The following MAP3K13 variants were observed in gnomAD, a reference collection of about 807,000 sequenced individuals.
MAP3K13 encodes the protein mitogen-activated protein kinase kinase kinase 13.
In MAP3K13, 52 loss-of-function variants were observed where a neutral mutation model predicts 104.0. The observed-to-expected ratio is 0.50, with a 90% CI of 0.40 to 0.63. MAP3K13 has a LOEUF of 0.63. Ranked by LOEUF, MAP3K13 falls within the 20% of genes least tolerant of loss-of-function variation. MAP3K13 has a pLI of 0.00. For missense variants in MAP3K13, 914 were observed against 1,218.5 expected (o/e 0.75, Z 3.72); for synonymous variants, 394 against 442.2 (o/e 0.89, Z 1.37).
At chr3:185,346,787 A>G (rs1324104559) in intron 2 of MAP3K13, among the ~76,000 whole-genome samples, 1 of 152,148 alleles carries the variant, frequency 6.6e-6, no homozygotes, top group African/African-American at 2.4e-5. Context: ...GTATAAGAGT[A>G]TCTATTTTGC....
intron 1 of MAP3K13, among the ~76,000 whole-genome samples, chr3:185,427,423 C>G (rs969957140): frequency 6.6e-6 from 1 of 151,990 alleles, no homozygotes; most frequent in African/African-American, 2.4e-5. Flanking sequence ...CGTGATCTGG[C>G]CAATCTAGAA....
intron 1 of MAP3K13, among the ~76,000 whole-genome samples, chr3:185,424,309 A>C (rs1176610871): frequency 6.6e-6 from 1 of 152,184 alleles, no homozygotes; most frequent in Non-Finnish European, 1.5e-5. Context: ...AGATAACAGC[A>C]TTTTTTAACC....
At chr3:185,475,728 G>C (rs1377134406) in intron 11 of MAP3K13, among the ~76,000 whole-genome samples, 5 of 152,146 alleles carry the variant, frequency 3.3e-5, no homozygotes, top group Admixed American at 3.3e-4. Context: ...GTGCACTCCT[G>C]TAATCCCAGG....
intron 2 of MAP3K13, among the ~76,000 whole-genome samples, chr3:185,313,414 C>T (rs1269020957): frequency 2.0e-5 from 3 of 151,452 alleles, no homozygotes; most frequent in Admixed American, 6.6e-5. Context: ...GGACTACAGG[C>T]GCTCGCCACC....
intron 1 of MAP3K13, among the ~76,000 whole-genome samples, chr3:185,407,159 T>C (rs1713159321): frequency 6.6e-6 from 1 of 152,254 alleles, no homozygotes; most frequent in Admixed American, 6.5e-5. Flanking sequence ...TCTATTTGTC[T>C]GTGAACCTTG....
chr3:185,387,813 G>T (rs1215977057), intron 1 of MAP3K13, among the ~76,000 whole-genome samples: 1 of 152,054 alleles, frequency 6.6e-6, no homozygotes, highest in East Asian at 1.9e-4. Flanking sequence ...GTCCTAGCCT[G>T]AGCAATCAAG....
chr3:185,463,212 C>T (rs954993147), intron 7 of MAP3K13, among the ~76,000 whole-genome samples: 4 of 152,156 alleles, frequency 2.6e-5, no homozygotes, highest in African/African-American at 2.4e-5. Flanking sequence ...TCTGGCCAGG[C>T]GATCTCAGCC....
intron 1 of MAP3K13, among the ~76,000 whole-genome samples, chr3:185,396,390 T>TAAA (rs1295208364): frequency 2.8e-5 from 4 of 140,622 alleles, no homozygotes; most frequent in East Asian, 4.1e-4. Flanking sequence ...AAATAAATAA[T>TAAA]TAAAAATAGG....
Position 185,484,176 on chromosome 3 carries a change from T to C in MAP3K13, c.*1720T>C, listed in dbSNP as rs1425629229. The C allele has an allele frequency of 2.0e-5, 3 of 152,192 alleles. No individual in the cohort carries two copies. The highest frequency in any genetic ancestry group is 7.2e-5 in the African/African-American group (3 of 41,442). The allele number at this position is 152,192 out of a possible 1,614,324, so 9.4% of individuals were successfully genotyped here. ...ATCAATGCAGTTTTAAATAACTGGA[T>C]TTGAACATTTGTGGAAAGAACAAGG... On this transcript the variant is annotated 3_prime_UTR_variant, in exon 14 of 14. Transcript: ENST00000265026.
intron 7 of MAP3K13, among the ~76,000 whole-genome samples, chr3:185,455,683 TATATATATGATATATATATGAG>T (rs1560120316): frequency 1.5e-4 from 3 of 19,380 alleles, no homozygotes; most frequent in South Asian, 2.1e-3. Context: ...ATATATGAGA[TATATATATGATATATATATGAG>T]ATATATATGA....
chr3:185,323,790 G>A (rs2108698114), intron 2 of MAP3K13, among the ~76,000 whole-genome samples: 1 of 152,274 alleles, frequency 6.6e-6, no homozygotes, highest in East Asian at 1.9e-4. Context: ...CTGGGTGAAA[G>A]TGTATGTGTT....
At chr3:185,330,147 C>T (rs1387576576) in intron 2 of MAP3K13, among the ~76,000 whole-genome samples, 1 of 149,852 alleles carries the variant, frequency 6.7e-6, no homozygotes, top group South Asian at 2.1e-4. Context: ...GTGATCCACC[C>T]GCCTCGGCCT....
intron 12 of MAP3K13, among the ~76,000 whole-genome samples, chr3:185,477,597 T>C (rs1718203586): frequency 1.3e-5 from 2 of 152,214 alleles, no homozygotes; most frequent in Admixed American, 1.3e-4. Flanking sequence ...TTAGCATTCA[T>C]TTTACAGCAA....
Position 185,428,478 on chromosome 3 carries a change from TC to T in MAP3K13, c.-85-16del, listed in dbSNP as rs1209796143. On this transcript the variant is annotated intron_variant, in intron 1 of 13. Coordinates refer to ENST00000265026, the MANE Select transcript of MAP3K13 (RefSeq NM_004721.5). ...ACTAAAGAAAGGATGATCTCTTATCTCCCTCCTGTTTTTCTCAGGTTTTGGA... is the reference window on the plus strand; with the variant it reads ...ACTAAAGAAAGGATGATCTCTTATCTCCTCCTGTTTTTCTCAGGTTTTGGA... 3 of 1,440,800 alleles carry T rather than the reference TC, an allele frequency of 2.1e-6. No homozygotes were observed. The highest frequency in any genetic ancestry group is 1.4e-5 in the African/African-American group (1 of 70,318). The allele number at this position is 1,440,800 out of a possible 1,614,324, so 89.3% of individuals were successfully genotyped here.
intron 2 of MAP3K13, chr3:185,291,966 A>T: frequency 9.3e-7 from 1 of 1,078,080 alleles, no homozygotes; most frequent in Non-Finnish European, 1.1e-6. Context: ...AGAAGCATAA[A>T]TTTGGTGAAT....
intron 1 of MAP3K13, among the ~76,000 whole-genome samples, chr3:185,384,147 C>G (rs1233839133): frequency 1.3e-5 from 2 of 152,148 alleles, no homozygotes; most frequent in Non-Finnish European, 2.9e-5. Flanking sequence ...CTACCTACCT[C>G]CATGAGGTCA....
intron 1 of MAP3K13, chr3:185,417,748 G>C (rs1713866280): frequency 6.2e-7 from 1 of 1,612,400 alleles, no homozygotes; most frequent in African/African-American, 1.3e-5. Flanking sequence ...GTGATTCCTG[G>C]CCTGGCGAAG....
chr3:185,455,877 AGATATAT>A (rs1456485201), intron 7 of MAP3K13, among the ~76,000 whole-genome samples: 2 of 51,580 alleles, frequency 3.9e-5, no homozygotes, highest in African/African-American at 8.8e-5. Context: ...GATATAGATG[AGATATAT>A]GATATAGATG....
intron 1 of MAP3K13, among the ~76,000 whole-genome samples, chr3:185,403,278 A>T (rs557386292): frequency 6.6e-6 from 1 of 152,320 alleles, no homozygotes; most frequent in South Asian, 2.1e-4. Context: ...GAACCAACAT[A>T]CATCTCCTTG....
Sources: gnomAD v4.1 joint callset for allele counts (sites outside exome capture counted in the v4.1 genomes callset) on GRCh38, gnomAD v4.1.1 for gene constraint, MANE v1.5 for transcripts, NCBI Gene and HGNC (gene_info 2026-07-23, HGNC 2026-07-21) for gene names.